The following LMO7 variants were observed in gnomAD, a reference collection of about 807,000 sequenced individuals.
LMO7 encodes the protein LIM domain only protein 7.
A neutral mutation model predicts 206.5 loss-of-function variants in LMO7; 120 were observed. The observed-to-expected ratio is 0.58, with a 90% confidence interval of 0.50 to 0.68. The LOEUF is 0.68. Among genes scored for constraint, LMO7 ranks in the 30% least tolerant of loss-of-function variants. The pLI, the probability that LMO7 is intolerant of heterozygous loss-of-function variation, is 0.00. For missense variants in LMO7, 1,959 were observed against 1,957.9 expected, an observed-to-expected ratio of 1.00 and a Z score of -0.01; for synonymous variants, 706 against 681.5, an observed-to-expected ratio of 1.04 and a Z score of -0.56.
chr13:75,820,793 G>A (rs2057491329), intron 13 of LMO7, among the ~76,000 whole-genome samples: 1 of 152,116 alleles, frequency 6.6e-6, no homozygotes, highest in African/African-American at 2.4e-5. Context: ...AGGAGTTCGA[G>A]ATCAGCTTGG....
rs367779588 is a variant in LMO7 at position 75,819,486 on chromosome 13, G to A, written c.2158G>A (p.Glu720Lys). The A allele has an allele frequency of 1.2e-6, 2 of 1,613,330 alleles. No homozygotes were observed. Among genetic ancestry groups the A allele is most frequent in the Admixed American group, 1.7e-5 (1 of 59,742 alleles). ...EREEIEKQAL[E>K]KSKRSSKTFK... is the part of the protein sequence containing the mutation. Reference sequence around the variant, plus strand: ...AGAAGAAATTGAAAAGCAGGCACTTGAGAAGTCTAAGAGAAGCTCTAAGAC... The same window carrying A: ...AGAAGAAATTGAAAAGCAGGCACTTAAGAAGTCTAAGAGAAGCTCTAAGAC... Residue 720 changes from glutamate to lysine, a missense_variant, in exon 13 of 31, where the codon GAG (glutamate) becomes AAG (lysine). By Grantham distance (56) the Glu-to-Lys change is moderately conservative. Coordinates refer to ENST00000377534, the MANE Select transcript of LMO7 (RefSeq NM_001306080.2).
chr13:75,757,420 A>G (rs2047761041), intron 3 of LMO7, among the ~76,000 whole-genome samples: 1 of 152,226 alleles, frequency 6.6e-6, no homozygotes, highest in Non-Finnish European at 1.5e-5. Flanking sequence ...ATAATGTATT[A>G]TGCACCAATA....
Position 75,835,327 on chromosome 13 carries a change from C to T in LMO7, c.3321C>T (p.Ser1107=), listed in dbSNP as rs1566579262. ...CTGTAACAACTGATTTCTCCGAAAGCCTTCAGAGTTCTGTGAGTATTTGGA... is the reference window on the plus strand; with the variant it reads ...CTGTAACAACTGATTTCTCCGAAAGTCTTCAGAGTTCTGTGAGTATTTGGA... ...NLSVTTDFSE[S]LQSSNIESKE... Residue 1107 remains serine (S), a synonymous_variant, in exon 18 of 31, where the codon AGC becomes AGT. Coordinates refer to ENST00000377534, the MANE Select transcript of LMO7 (RefSeq NM_001306080.2). 1 of 1,600,142 alleles carries T rather than the reference C, an allele frequency of 6.2e-7. No individual in the cohort carries two copies. Among genetic ancestry groups the T allele is most frequent in the East Asian group, 2.3e-5 (1 of 44,206 alleles).
At chr13:75,719,925 C>T (rs1197312774) in intron 2 of LMO7, among the ~76,000 whole-genome samples, 7 of 152,166 alleles carry the variant, frequency 4.6e-5, no homozygotes, top group Admixed American at 4.6e-4. Flanking sequence ...CAAACTCTTT[C>T]AAAATGTCTG....
intron 15 of LMO7, among the ~76,000 whole-genome samples, chr13:75,826,413 C>A (rs2058120396): frequency 6.6e-6 from 1 of 152,148 alleles, no homozygotes; most frequent in South Asian, 2.1e-4. Context: ...CAAATAGTCA[C>A]AGGTGTTAGT....
chr13:75,665,758 C>G (rs1018610555), intron 1 of LMO7, among the ~76,000 whole-genome samples: 6 of 152,158 alleles, frequency 3.9e-5, no homozygotes, highest in Non-Finnish European at 8.8e-5. Flanking sequence ...AACTCCTGAC[C>G]TCAGGTGATC....
intron 20 of LMO7, 58 bp downstream of exon 20, chr13:75,838,254 C>T (rs949585730): frequency 2.6e-6 from 4 of 1,522,864 alleles, no homozygotes; most frequent in Non-Finnish European, 3.6e-6. Context: ...CCTCTCCACT[C>T]TTCCTCATGG....
At chr13:75,750,313 C>T (rs2047171606) in intron 3 of LMO7, among the ~76,000 whole-genome samples, 1 of 150,950 alleles carries the variant, frequency 6.6e-6, no homozygotes, top group Non-Finnish European at 1.5e-5. Flanking sequence ...TTGATGAAAA[C>T]CTTTTCCTCA....
intron 3 of LMO7, among the ~76,000 whole-genome samples, chr13:75,739,734 T>G (rs74096407): frequency 6.6e-6 from 1 of 152,292 alleles, no homozygotes; most frequent in African/African-American, 2.4e-5. Context: ...CCAGCAGCAA[T>G]AGAAAATTCA....
chr13:75,843,879 C>T (rs923423390), intron 25 of LMO7, among the ~76,000 whole-genome samples: 2 of 151,984 alleles, frequency 1.3e-5, no homozygotes, highest in African/African-American at 2.4e-5. Context: ...GCCGGGATGA[C>T]TGAATAGGGC....
At chr13:75,663,999 C>G (rs2038875337) in intron 1 of LMO7, among the ~76,000 whole-genome samples, 1 of 152,128 alleles carries the variant, frequency 6.6e-6, no homozygotes, top group South Asian at 2.1e-4. Context: ...CAATTATACT[C>G]TTTCAGTTAT....
chr13:75,739,765 A>G (rs2046267982), intron 3 of LMO7, among the ~76,000 whole-genome samples: 2 of 152,278 alleles, frequency 1.3e-5, no homozygotes, highest in African/African-American at 4.8e-5. Context: ...CTGCTGTATA[A>G]TTTAAATATT....
chr13:75,785,742 G>A (rs1262495585), intron 4 of LMO7, among the ~76,000 whole-genome samples: 1 of 152,140 alleles, frequency 6.6e-6, no homozygotes, highest in Non-Finnish European at 1.5e-5. Flanking sequence ...AGTTTCTCCT[G>A]TTTCATGGTA....
intron 3 of LMO7, among the ~76,000 whole-genome samples, chr13:75,756,161 T>C (rs374200336): frequency 6.6e-6 from 1 of 152,266 alleles, no homozygotes; most frequent in East Asian, 1.9e-4. Context: ...GCAATAGGGC[T>C]TCTAAGCACC....
intron 1 of LMO7, among the ~76,000 whole-genome samples, chr13:75,658,777 G>T (rs548380198): frequency 6.6e-6 from 1 of 151,204 alleles, no homozygotes; most frequent in East Asian, 1.9e-4. Flanking sequence ...TTTTAGTAGA[G>T]ACGGGGTTTC....
chr13:75,851,231 A>G (rs983268488), intron 27 of LMO7, among the ~76,000 whole-genome samples: 1 of 152,212 alleles, frequency 6.6e-6, no homozygotes, highest in Non-Finnish European at 1.5e-5. Context: ...GAGCAGAATG[A>G]CGATAGTTCT....
chr13:75,718,382 C>G (rs965944138), intron 2 of LMO7, among the ~76,000 whole-genome samples: 1 of 152,114 alleles, frequency 6.6e-6, no homozygotes, highest in South Asian at 2.1e-4. Flanking sequence ...CCTGAGGGAT[C>G]GAGAGGAATT....
At chr13:75,675,274 A>T (rs1184125383) in intron 1 of LMO7, among the ~76,000 whole-genome samples, 1 of 151,992 alleles carries the variant, frequency 6.6e-6, no homozygotes, top group Non-Finnish European at 1.5e-5. Context: ...GGGTTTCACC[A>T]TGTTGGCCAG....
In LMO7 at chr13:75,675,873, C is replaced by A. The variant is rs9544018; in HGVS notation, c.70-37309C>A. Among the ~76,000 whole-genome samples the A allele has an allele frequency of 3.4e-5, 5 of 146,482 alleles. No individual in the cohort carries two copies. In the Admixed American group the frequency reaches 3.6e-4, roughly 10 times the overall value. ...TGGAAAATGTCTCCTCCTTGTAAAACGCGTGCACGAGCGTGCACACACACA... is the reference window on the plus strand; with the variant it reads ...TGGAAAATGTCTCCTCCTTGTAAAAAGCGTGCACGAGCGTGCACACACACA... On this transcript the variant is annotated intron_variant, in intron 1 of 30. Transcript: ENST00000377534.
Sources: gnomAD v4.1 joint callset for allele counts (sites outside exome capture counted in the v4.1 genomes callset) on GRCh38, gnomAD v4.1.1 for gene constraint, MANE v1.5 for transcripts, NCBI Gene and HGNC (gene_info 2026-07-23, HGNC 2026-07-21) for gene names.